Variants in RALYL observed in about 807,000 individuals in gnomAD.
RALYL encodes the protein RNA-binding Raly-like protein.
RALYL carries 29 observed loss-of-function variants against 35.1 expected under a neutral mutation model. The observed-to-expected ratio is 0.83, with a 90% CI of 0.61 to 1.13. The LOEUF is 1.13. RALYL is among the 50% of genes most tolerant of loss of function. The pLI is 0.00. For synonymous variants in RALYL, 120 were observed against 127.6 expected (o/e 0.94, Z 0.40); for missense variants, 359 against 360.4 (o/e 1.00, Z 0.03).
intron 4 of RALYL, among the ~76,000 whole-genome samples, chr8:84,813,513 A>G (rs1435131351): frequency 6.6e-6 from 1 of 152,226 alleles, no homozygotes; most frequent in Non-Finnish European, 1.5e-5. Context: ...ATGGTTTATT[A>G]CATCAGTTGA....
chr8:84,701,580 C>T (rs1256192426), intron 2 of RALYL, among the ~76,000 whole-genome samples: 1 of 152,078 alleles, frequency 6.6e-6, no homozygotes, highest in East Asian at 1.9e-4. Flanking sequence ...TAATTCGATA[C>T]ATTTGATCTT....
intron 1 of RALYL, among the ~76,000 whole-genome samples, chr8:84,238,331 C>T (rs1050768464): frequency 5.3e-5 from 8 of 152,006 alleles, no homozygotes; most frequent in Admixed American, 2.6e-4. Flanking sequence ...ATTTTCATTG[C>T]ATGATATCTG....
At chr8:84,731,015 G>A (rs1437434419) in intron 2 of RALYL, among the ~76,000 whole-genome samples, 1 of 152,078 alleles carries the variant, frequency 6.6e-6, no homozygotes, top group East Asian at 1.9e-4. Context: ...GGGGATAGAG[G>A]AGAAGAGAAT....
chr8:84,642,542 A>G (rs1036757197), intron 2 of RALYL, among the ~76,000 whole-genome samples: 2 of 152,048 alleles, frequency 1.3e-5, no homozygotes, highest in East Asian at 3.9e-4. Flanking sequence ...GATTCCACTT[A>G]ACTCTCTAGT....
At chr8:84,809,378 G>T (rs1025211882) in intron 4 of RALYL, among the ~76,000 whole-genome samples, 1 of 152,034 alleles carries the variant, frequency 6.6e-6, no homozygotes, top group African/African-American at 2.4e-5. Context: ...GTTGGATTTG[G>T]TTAGCTAGTA....
intron 8 of RALYL, among the ~76,000 whole-genome samples, chr8:84,903,710 T>C (rs777489822): frequency 1.3e-5 from 2 of 152,208 alleles, no homozygotes; most frequent in Non-Finnish European, 2.9e-5. Flanking sequence ...ACCCGTATTA[T>C]AGTTCTATGA....
intron 1 of RALYL, among the ~76,000 whole-genome samples, chr8:84,461,716 T>C (rs892462844): frequency 6.6e-6 from 1 of 151,938 alleles, no homozygotes; most frequent in African/African-American, 2.4e-5. Flanking sequence ...TGATGTTTAA[T>C]GTATTTACTG....
intron 2 of RALYL, among the ~76,000 whole-genome samples, chr8:84,767,986 C>T (rs1022075164): frequency 2.0e-4 from 30 of 152,150 alleles, no homozygotes; most frequent in African/African-American, 6.5e-4. Flanking sequence ...GAGCTCTGAA[C>T]GTTGATATTT....
At chr8:84,776,482 G>A (rs767230720) in intron 3 of RALYL, among the ~76,000 whole-genome samples, 4 of 152,164 alleles carry the variant, frequency 2.6e-5, no homozygotes, top group Non-Finnish European at 5.9e-5. Context: ...CAGAGATGAT[G>A]TTATCAACAA....
At position 84,183,756 on chromosome 8, in the gene RALYL, C is replaced by A. The variant is rs894133003; in HGVS notation, c.-692C>A. ...TTTTCCTGAATCCAAGTTTTTCTAG[C>A]ATGCGATCGTTCTGTAGACAAGGCG... On this transcript the variant is annotated 5_prime_UTR_variant, in exon 1 of 9. Coordinates refer to ENST00000521268, the MANE Select transcript of RALYL (RefSeq NM_173848.7). 1.3e-5 allele frequency: 2 copies of A among 152,222 alleles called. No homozygotes were observed. The highest frequency in any genetic ancestry group is 2.9e-5 in the Non-Finnish European group (2 of 68,034). 9.4% of individuals were successfully genotyped at this position (152,222 alleles called of 1,614,324 possible).
intron 2 of RALYL, among the ~76,000 whole-genome samples, chr8:84,765,378 T>TTAGCC (rs1255962258): frequency 1.3e-5 from 2 of 152,178 alleles, no homozygotes; most frequent in African/African-American, 2.4e-5. Context: ...TCTCAGACAG[T>TTAGCC]CCTGTCTGCT....
chr8:84,506,453 G>C (rs1242845748), intron 1 of RALYL, among the ~76,000 whole-genome samples: 2 of 151,904 alleles, frequency 1.3e-5, no homozygotes, highest in African/African-American at 4.8e-5. Flanking sequence ...TAATTACTAT[G>C]AAGTTTATAA....
chr8:84,913,739 G>A (rs1847955693), intron 8 of RALYL, among the ~76,000 whole-genome samples: 1 of 151,676 alleles, frequency 6.6e-6, no homozygotes, highest in African/African-American at 2.4e-5. Context: ...ATTATATCCA[G>A]CATAATTTGA....
chr8:84,464,782 C>T (rs1486466523), intron 1 of RALYL, among the ~76,000 whole-genome samples: 2 of 149,012 alleles, frequency 1.3e-5, no homozygotes, highest in East Asian at 4.0e-4. Flanking sequence ...TCCTATTTCT[C>T]CACATCCTCT....
At chr8:84,323,594 A>G (rs1389720379) in intron 1 of RALYL, among the ~76,000 whole-genome samples, 1 of 152,086 alleles carries the variant, frequency 6.6e-6, no homozygotes. Flanking sequence ...TATTCTGTGC[A>G]TTTCAATGCA....
chr8:84,874,645 G>A (rs191156505), intron 7 of RALYL, among the ~76,000 whole-genome samples: 117 of 152,322 alleles, frequency 7.7e-4, no homozygotes, highest in Non-Finnish European at 1.3e-3. Context: ...TTGGCAGTGA[G>A]CCATACAGGG....
chr8:84,555,210 C>T (rs1453249425), intron 2 of RALYL, among the ~76,000 whole-genome samples: 3 of 152,102 alleles, frequency 2.0e-5, no homozygotes, highest in Non-Finnish European at 2.9e-5. Flanking sequence ...ACCCGGGAGG[C>T]AGAGGTTGCA....
At chr8:84,593,104 T>C (rs1813662501) in intron 2 of RALYL, among the ~76,000 whole-genome samples, 1 of 152,082 alleles carries the variant, frequency 6.6e-6, no homozygotes, top group African/African-American at 2.4e-5. Flanking sequence ...TTAGTTTGGA[T>C]CTTATCTTTT....
intron 1 of RALYL, among the ~76,000 whole-genome samples, chr8:84,263,563 A>G (rs1832702066): frequency 6.6e-6 from 1 of 152,160 alleles, no homozygotes; most frequent in South Asian, 2.1e-4. Flanking sequence ...AGGTTAATCT[A>G]TTAGGTTAGT....
Sources: allele counts gnomAD v4.1 joint callset (sites outside exome capture counted in the v4.1 genomes callset), GRCh38; gene constraint gnomAD v4.1.1; transcripts MANE v1.5; gene names NCBI Gene and HGNC (gene_info 2026-07-23, HGNC 2026-07-21).